AP2B1: variants seen among roughly 807,000 people sequenced by gnomAD.
AP2B1 encodes the protein AP-2 complex subunit beta.
In AP2B1, 23 loss-of-function variants were observed where a neutral mutation model predicts 102.0. The observed-to-expected ratio is 0.23, with a 90% CI of 0.16 to 0.32. The LOEUF (loss-of-function observed/expected upper bound fraction) is 0.32, where lower values mean the gene tolerates loss of function less well. Ranked by LOEUF, AP2B1 falls within the 10% of genes least tolerant of loss-of-function variation. The probability of loss-of-function intolerance (pLI) is 1.00; values close to 1 mark genes in which losing one functional copy is unlikely to be tolerated. For synonymous variants in AP2B1, 381 were observed against 421.2 expected (o/e 0.90, Z 1.17); for missense variants, 541 against 1,157.4 (o/e 0.47, Z 7.73).
chr17:35,680,700 GTT>G (rs1176447688), intron 17 of AP2B1, among the ~76,000 whole-genome samples: 68 of 128,938 alleles, frequency 5.3e-4, no homozygotes, highest in Middle Eastern at 4.0e-3. Flanking sequence ...TTTTTTTTTT[GTT>G]TTTTTTTTTT....
chr17:35,646,417 C>G (rs2142782407), intron 12 of AP2B1, among the ~76,000 whole-genome samples: 1 of 152,074 alleles, frequency 6.6e-6, no homozygotes, highest in East Asian at 1.9e-4. Flanking sequence ...TTCCCTACTC[C>G]TGACTTTTCA....
At chr17:35,624,324 G>T in intron 5 of AP2B1, 73 bp from the exon 6 acceptor site, 1 of 1,374,332 alleles carries the variant, frequency 7.3e-7, no homozygotes. Flanking sequence ...ATGACCCAGA[G>T]AAGGCTGATG....
chr17:35,718,819 A>G (rs1397727927), intron 21 of AP2B1, among the ~76,000 whole-genome samples: 1 of 146,864 alleles, frequency 6.8e-6, no homozygotes, highest in Non-Finnish European at 1.5e-5. Context: ...ATTTTATTGT[A>G]TATAGTCTTC....
chr17:35,669,513 A>G (rs1248273289), intron 14 of AP2B1, among the ~76,000 whole-genome samples: 1 of 152,202 alleles, frequency 6.6e-6, no homozygotes, highest in Non-Finnish European at 1.5e-5. Context: ...GTCTTCAGGA[A>G]TCAGATTCTG....
intron 20 of AP2B1, among the ~76,000 whole-genome samples, chr17:35,714,235 A>G (rs1555588852): frequency 1.3e-5 from 2 of 152,178 alleles, no homozygotes; most frequent in Non-Finnish European, 2.9e-5. Flanking sequence ...ATCCTTTGGA[A>G]TATTTCAAAA....
At chr17:35,694,425 T>TTTTTTTTTA (rs2076099431) in intron 18 of AP2B1, among the ~76,000 whole-genome samples, 1 of 134,304 alleles carries the variant, frequency 7.4e-6, no homozygotes, top group Non-Finnish European at 1.5e-5. Flanking sequence ...TTTTTTTTTT[T>TTTTTTTTTA]AATTTTTTAA....
At chr17:35,656,839 G>T (rs62079756) in intron 13 of AP2B1, among the ~76,000 whole-genome samples, 239 of 151,426 alleles carry the variant, frequency 1.6e-3, no homozygotes, top group Non-Finnish European at 3.0e-3. Flanking sequence ...GAGCCGAGAT[G>T]GCGCCACTGC....
At chr17:35,678,090 C>T (rs929714536) in intron 17 of AP2B1, among the ~76,000 whole-genome samples, 3 of 152,068 alleles carry the variant, frequency 2.0e-5, no homozygotes, top group Admixed American at 1.3e-4. Flanking sequence ...GAACTCCTGA[C>T]CTCAGGTGAT....
At chr17:35,669,073 C>T (rs2075531325) in intron 14 of AP2B1, among the ~76,000 whole-genome samples, 1 of 151,582 alleles carries the variant, frequency 6.6e-6, no homozygotes, top group African/African-American at 2.4e-5. Flanking sequence ...AGGGAGAAAG[C>T]AGATGTGTAG....
intron 5 of AP2B1, 58 bp from the exon 6 acceptor site, chr17:35,624,339 G>A (rs1254584064): frequency 3.3e-6 from 5 of 1,510,266 alleles, no homozygotes; most frequent in Non-Finnish European, 3.6e-6. Context: ...CTGATGAAGT[G>A]TTTGTCTATA....
intron 17 of AP2B1, among the ~76,000 whole-genome samples, chr17:35,677,687 A>G (rs1170362677): frequency 1.3e-5 from 2 of 152,278 alleles, no homozygotes; most frequent in South Asian, 2.1e-4. Flanking sequence ...AAGTAGATCA[A>G]TTTGAGGGAG....
At chr17:35,704,180 CTTTT>C (rs1008942496) in intron 18 of AP2B1, among the ~76,000 whole-genome samples, 3 of 152,102 alleles carry the variant, frequency 2.0e-5, no homozygotes, top group Non-Finnish European at 2.9e-5. Flanking sequence ...TCCCTTGGTT[CTTTT>C]TTAACACCCA....
chr17:35,598,878 G>A (rs890373711), intron 3 of AP2B1, among the ~76,000 whole-genome samples: 4 of 152,206 alleles, frequency 2.6e-5, no homozygotes, highest in African/African-American at 4.8e-5. Flanking sequence ...CGGGGGGTCC[G>A]TGAGGTCAAA....
intron 6 of AP2B1, 61 bp downstream of exon 6, chr17:35,624,648 C>A: frequency 6.7e-7 from 1 of 1,487,532 alleles, no homozygotes. Flanking sequence ...GTTCTGGAGT[C>A]TGCTATTAGA....
At position 35,683,680 on chromosome 17, in the gene AP2B1, A is replaced by G. The variant is rs587683930; in HGVS notation, c.2454+856A>G. Among the ~76,000 whole-genome samples, 3 of 152,346 alleles carry G rather than the reference A, an allele frequency of 2.0e-5. No individual in the cohort carries two copies. The South Asian group carries it at 6.2e-4, about 32-fold the overall frequency. On this transcript the variant is annotated intron_variant, in intron 18 of 21. Transcript: ENST00000610402. ...TTGAAATATAAACCTTCTGGGCTTC[A>G]GGCAACATGAAGGCAGAGCAGTAAG... is the stretch of plus-strand genomic sequence containing the variant.
At chr17:35,659,900 G>T in intron 14 of AP2B1, 1 of 985,314 alleles carries the variant, frequency 1.0e-6, no homozygotes, top group South Asian at 4.7e-5. Flanking sequence ...TATTCACTCA[G>T]AGAATCAAGG....
chr17:35,670,991 G>GT, intron 15 of AP2B1, 93 bp downstream of exon 15: 1 of 1,309,182 alleles, frequency 7.6e-7, no homozygotes, highest in Non-Finnish European at 1.1e-6. Flanking sequence ...CACTGCTGCT[G>GT]TCTAGCACTG....
chr17:35,682,133 T>C (rs2075834078), intron 17 of AP2B1, among the ~76,000 whole-genome samples: 1 of 152,008 alleles, frequency 6.6e-6, no homozygotes, highest in Admixed American at 6.6e-5. Context: ...TGCATGCCTC[T>C]AGTCCCAGCT....
chr17:35,686,899 C>A (rs1426035570), intron 18 of AP2B1, among the ~76,000 whole-genome samples: 1 of 152,108 alleles, frequency 6.6e-6, no homozygotes, highest in Non-Finnish European at 1.5e-5. Flanking sequence ...ATGGCGTGAA[C>A]CCGGGAGGCG....
Sources: allele counts gnomAD v4.1 joint callset (sites outside exome capture counted in the v4.1 genomes callset), GRCh38; gene constraint gnomAD v4.1.1; transcripts MANE v1.5; gene names NCBI Gene and HGNC (gene_info 2026-07-23, HGNC 2026-07-21).